Variants in IQSEC1 observed in about 807,000 individuals in gnomAD.
The protein encoded by IQSEC1 is IQ motif and SEC7 domain-containing protein 1.
Under a neutral mutation model 91.0 loss-of-function variants are expected in IQSEC1, and 31 were observed. That is an observed-to-expected ratio of 0.34 (90% CI 0.26 to 0.46). IQSEC1 has a LOEUF of 0.46. IQSEC1 is among the 20% of genes least tolerant of loss of function. The probability of loss-of-function intolerance (pLI) is 1.00; values close to 1 mark genes in which losing one functional copy is unlikely to be tolerated. For synonymous variants in IQSEC1, 699 were observed against 662.6 expected, an observed-to-expected ratio of 1.05 and a Z score of -0.84; for missense variants, 1,388 against 1,575.6, an observed-to-expected ratio of 0.88 and a Z score of 2.02.
Position 13,195,208 on chromosome 3 carries a change from T to C in IQSEC1, c.273-31075A>G, listed in dbSNP as rs192634715. Among the ~76,000 whole-genome samples the C allele has an allele frequency of 2.7e-3, 417 of 152,290 alleles. 2 individuals carry two copies. Among genetic ancestry groups the C allele is most frequent in the African/African-American group, 9.5e-3 (394 of 41,556 alleles). ...AGACACAAACAAACACTTTATAAGA[T>C]ACACAGATGGCAAATAAGCAGATGA... is the stretch of plus-strand genomic sequence containing the variant. On this transcript the variant is annotated intron_variant, in intron 1 of 15. Coordinates refer to the IQSEC1 transcript ENST00000648114.
intron 1 of IQSEC1, among the ~76,000 whole-genome samples, chr3:13,194,297 G>T (rs533769043): frequency 6.6e-6 from 1 of 152,112 alleles, no homozygotes; most frequent in Admixed American, 6.5e-5. Flanking sequence ...TGCTCACTCC[G>T]CAGCTGCCTC....
In IQSEC1 at chr3:12,899,106, A is replaced by G. The variant is rs1222746902; in HGVS notation, c.*1877T>C. The G allele has an allele frequency of 1.9e-6, 1 of 514,798 alleles. No individual in the cohort carries two copies. Among genetic ancestry groups the G allele is most frequent in the Admixed American group, 3.4e-5 (1 of 29,624 alleles). The allele number at this position is 514,798 out of a possible 1,614,324, so 31.9% of individuals were successfully genotyped here. A position where few individuals can be genotyped will look rare whatever the true frequency, so the allele number is the denominator to read the frequency against. On this transcript the variant is annotated 3_prime_UTR_variant, in exon 14 of 14. Transcript: ENST00000613206. ...GTATTTGCTCTCTCTGGAGATTAAC[A>G]AAGTGCTTGGTTTGCAGATTTGCTG...
At chr3:13,012,140 A>C (rs1488142865) in intron 1 of IQSEC1, among the ~76,000 whole-genome samples, 1 of 152,056 alleles carries the variant, frequency 6.6e-6, no homozygotes, top group Non-Finnish European at 1.5e-5. Flanking sequence ...TGCTGGGGCT[A>C]CCTTTCACCC....
chr3:12,993,972 C>T (rs1702111886), intron 1 of IQSEC1, among the ~76,000 whole-genome samples: 1 of 151,550 alleles, frequency 6.6e-6, no homozygotes, highest in South Asian at 2.1e-4. Flanking sequence ...GGAGCTGCCG[C>T]CCAGGCCGCC....
chr3:12,897,217 C>T lies in IQSEC1; in HGVS notation c.*3766G>A, dbSNP rs978858546. The T allele has an allele frequency of 6.6e-6, 1 of 152,178 alleles. No individual in the cohort carries two copies. The highest frequency in any genetic ancestry group is 6.5e-5 in the Admixed American group (1 of 15,278). 9.4% of individuals were successfully genotyped at this position (152,178 alleles called of 1,614,324 possible). On this transcript the variant is annotated 3_prime_UTR_variant, in exon 14 of 14. Transcript: ENST00000613206. ...TGGACTTTTCAGAAAAAGTGAGAAT[C>T]CGAGAGTTTCAAAGGATTTATTTGA...
Position 13,211,637 on chromosome 3 carries a change from G to C in IQSEC1, c.273-47504C>G, listed in dbSNP as rs963244818. ...CCCAAAAGAAAGTCTGATCCCCTCAGCCTATCCCTGAAGGCCAGGCCAGGA... is the reference window on the plus strand; with the variant it reads ...CCCAAAAGAAAGTCTGATCCCCTCACCCTATCCCTGAAGGCCAGGCCAGGA... On this transcript the variant is annotated intron_variant, in intron 1 of 15. Transcript: ENST00000648114. This position sits in a 1 kb window ranked among gnomAD's most constrained non-coding sequence, Gnocchi z 5.3. 4.6e-5 allele frequency among the ~76,000 whole-genome samples: 7 copies of C among 152,112 alleles called. No individual in the cohort carries two copies. Among genetic ancestry groups the C allele is most frequent in the African/African-American group, 7.2e-5 (3 of 41,412 alleles).
intron 1 of IQSEC1, among the ~76,000 whole-genome samples, chr3:12,960,919 G>A (rs1028780309): frequency 1.3e-5 from 2 of 152,238 alleles, no homozygotes; most frequent in African/African-American, 4.8e-5. Flanking sequence ...CCATTTGACA[G>A]GCAAGGAGGC....
intron 1 of IQSEC1, among the ~76,000 whole-genome samples, chr3:13,191,735 A>G (rs1204981208): frequency 2.0e-5 from 3 of 152,138 alleles, no homozygotes; most frequent in Non-Finnish European, 4.4e-5. Flanking sequence ...ATTTCTCAGC[A>G]CTAGCTTTAA....
chr3:13,212,572 T>C (rs1234176924), intron 1 of IQSEC1, among the ~76,000 whole-genome samples: 1 of 152,244 alleles, frequency 6.6e-6, no homozygotes, highest in Non-Finnish European at 1.5e-5. Flanking sequence ...CATGTCTAAC[T>C]GCTCAAGGTG....
intron 1 of IQSEC1, among the ~76,000 whole-genome samples, chr3:12,952,240 T>C (rs1463165726): frequency 6.6e-6 from 1 of 152,138 alleles, no homozygotes; most frequent in Non-Finnish European, 1.5e-5. Flanking sequence ...CTTTGAGGCC[T>C]AGTAGACAGC....
intron 1 of IQSEC1, among the ~76,000 whole-genome samples, chr3:13,009,718 G>T (rs1702795053): frequency 6.6e-6 from 1 of 151,874 alleles, no homozygotes. Flanking sequence ...TATTTTATCA[G>T]ATATCTTATC....
At chr3:12,919,057 C>T (rs1696368603) in intron 6 of IQSEC1, among the ~76,000 whole-genome samples, 1 of 151,978 alleles carries the variant, frequency 6.6e-6, no homozygotes. Flanking sequence ...CAGGCTTGGC[C>T]CCATGAGAAG....
intron 2 of IQSEC1, among the ~76,000 whole-genome samples, chr3:13,118,432 G>C (rs2643033): frequency 0.5 from 76,259 of 152,118 alleles, 20,731 homozygotes; most frequent in Admixed American, 0.6. Flanking sequence ...ATGGGTGAAC[G>C]GATAGACAAA....
chr3:13,190,555 C>CAAAAAAAAA (rs79890597), intron 1 of IQSEC1, among the ~76,000 whole-genome samples: 1 of 142,650 alleles, frequency 7.0e-6, no homozygotes, highest in African/African-American at 2.6e-5. Flanking sequence ...GACCCTGTCT[C>CAAAAAAAAA]AAAAAAAAAA....
chr3:13,050,362 C>T (rs933179540), intron 1 of IQSEC1, among the ~76,000 whole-genome samples: 2 of 152,120 alleles, frequency 1.3e-5, no homozygotes, highest in Non-Finnish European at 2.9e-5. Flanking sequence ...ACCCTCAGCC[C>T]AGCAGTCCTG....
intron 2 of IQSEC1, among the ~76,000 whole-genome samples, chr3:13,125,712 G>C (rs193021668): frequency 6.6e-6 from 1 of 152,360 alleles, no homozygotes; most frequent in Non-Finnish European, 1.5e-5. Flanking sequence ...GCTTGTGGGG[G>C]ATAAGGGCCC....
In IQSEC1 at chr3:12,987,082, T is replaced by G. The variant is rs370777927; in HGVS notation, c.24-45217A>C. On this transcript the variant is annotated intron_variant, in intron 1 of 13. Coordinates refer to ENST00000613206, the MANE Select transcript of IQSEC1 (RefSeq NM_001134382.3). Reference sequence around the variant, plus strand: ...GATGAGCTCCCTCAGCCGTCCCCCATCTGGTGCTGCGGCCAGTGCGGGTCA... The same window carrying G: ...GATGAGCTCCCTCAGCCGTCCCCCAGCTGGTGCTGCGGCCAGTGCGGGTCA... 6.0e-4 allele frequency: 228 copies of G among 377,354 alleles called. 2 individuals are homozygous for G. Among genetic ancestry groups the G allele is most frequent in the African/African-American group, 4.5e-3 (209 of 46,600 alleles). The allele number at this position is 377,354 out of a possible 1,614,324, so 23.4% of individuals were successfully genotyped here.
chr3:13,252,730 T>TTTTTTTTTTG (rs60219953), intron 1 of IQSEC1, among the ~76,000 whole-genome samples: 5,468 of 150,860 alleles, frequency 0.036, 265 homozygotes, highest in African/African-American at 0.12. Flanking sequence ...TTTTTTTTGT[T>TTTTTTTTTTG]TTTGTTTGTT....
At position 13,266,828 on chromosome 3, in the gene IQSEC1, A is replaced by T. The variant is rs575225259; in HGVS notation, c.272+15883T>A. Among the ~76,000 whole-genome samples, 11 of 152,194 alleles carry T rather than the reference A, an allele frequency of 7.2e-5. No individual in the cohort carries two copies. The South Asian group carries it at 2.3e-3, about 32-fold the overall frequency. The stretch of plus-strand genomic sequence containing the variant: ...CCTCCTCCAGCCAGGCGGTCCTTCT[A>T]GCAAGCTCTTATCTCAGCCCCCAAA... On this transcript the variant is annotated intron_variant, in intron 1 of 15. Transcript: ENST00000648114.
Sources: allele counts gnomAD v4.1 joint callset (sites outside exome capture counted in the v4.1 genomes callset), GRCh38; gene constraint gnomAD v4.1.1; non-coding constraint Gnocchi (gnomAD v3.1); transcripts MANE v1.5; gene names NCBI Gene and HGNC (gene_info 2026-07-23, HGNC 2026-07-21).